Variants in MCTP1 observed in about 807,000 individuals in gnomAD.
The protein encoded by MCTP1 is multiple C2 and transmembrane domain containing 1.
Under a neutral mutation model 120.6 loss-of-function variants are expected in MCTP1, and 69 were observed. That is an observed-to-expected ratio of 0.57 (90% CI 0.47 to 0.70). MCTP1 has a LOEUF of 0.70. Among genes scored for constraint, MCTP1 ranks in the 30% least tolerant of loss-of-function variants. The pLI is 0.00. For synonymous variants in MCTP1, 529 were observed against 493.1 expected (o/e 1.07, Z -0.96); for missense variants, 1,203 against 1,248.8 (o/e 0.96, Z 0.55).
Position 94,912,947 on chromosome 5 carries a change from G to T in MCTP1, c.1380C>A (p.Asp460Glu), listed in dbSNP as rs1413610000. ...QFQTQSLRLSDLHRKSHLWRG... is the reference protein window; with the variant it reads ...QFQTQSLRLSELHRKSHLWRG... ...TCCAAAGATGCGATTTTCTGTGTAG[G>T]TCTGATAGGCGTAAACTTTGGGTCT... Residue 460 changes from aspartate (D) to glutamate (E), a missense_variant, in exon 9 of 23, where the codon GAC becomes GAA. By Grantham distance (45) the Asp-to-Glu change is conservative. Transcript: ENST00000515393. 1.3e-6 allele frequency: 2 copies of T among 1,598,864 alleles called. No individual in the cohort carries two copies. Among genetic ancestry groups the T allele is most frequent in the Non-Finnish European group, 1.7e-6 (2 of 1,173,892 alleles).
At chr5:94,810,263 T>A (rs1436632828) in intron 17 of MCTP1, among the ~76,000 whole-genome samples, 1 of 152,174 alleles carries the variant, frequency 6.6e-6, no homozygotes, top group Non-Finnish European at 1.5e-5. Flanking sequence ...GAAATGAATG[T>A]TACCACTCCT....
chr5:94,801,051 A>C (rs1171525536), intron 17 of MCTP1, among the ~76,000 whole-genome samples: 1 of 152,100 alleles, frequency 6.6e-6, no homozygotes, highest in Non-Finnish European at 1.5e-5. Flanking sequence ...TTTTTTAGGA[A>C]GTGAATTAAG....
intron 19 of MCTP1, among the ~76,000 whole-genome samples, chr5:94,732,710 T>A (rs985711146): frequency 6.6e-6 from 1 of 151,942 alleles, no homozygotes; most frequent in African/African-American, 2.4e-5. Flanking sequence ...CCCTAGAGAG[T>A]TCTTCTGCTC....
chr5:94,892,083 G>A (rs997490729), intron 11 of MCTP1, among the ~76,000 whole-genome samples: 3 of 152,018 alleles, frequency 2.0e-5, no homozygotes, highest in Admixed American at 6.6e-5. Flanking sequence ...GCTCTATTAC[G>A]GGAGAGGCAA....
intron 1 of MCTP1, among the ~76,000 whole-genome samples, chr5:95,059,246 T>A (rs561722636): frequency 6.6e-6 from 1 of 151,752 alleles, no homozygotes; most frequent in Non-Finnish European, 1.5e-5. Context: ...CAGAAAGTAA[T>A]CATGTCCTTT....
At chr5:94,913,632 T>C (rs1037930351) in intron 8 of MCTP1, among the ~76,000 whole-genome samples, 1 of 152,234 alleles carries the variant, frequency 6.6e-6, no homozygotes, top group African/African-American at 2.4e-5. Context: ...ATGTGATTTA[T>C]ATTGGCAAGT....
intron 1 of MCTP1, among the ~76,000 whole-genome samples, chr5:95,151,723 G>T (rs1760913063): frequency 6.6e-6 from 1 of 152,170 alleles, no homozygotes; most frequent in African/African-American, 2.4e-5. Flanking sequence ...AAGATTAGGA[G>T]ATCCTACCAC....
chr5:95,193,226 C>A (rs1180237703), intron 1 of MCTP1, among the ~76,000 whole-genome samples: 2 of 152,112 alleles, frequency 1.3e-5, no homozygotes, highest in Non-Finnish European at 2.9e-5. Context: ...CTCTCATATA[C>A]TTTACATCTA....
intron 2 of MCTP1, among the ~76,000 whole-genome samples, chr5:95,015,122 T>C (rs1836842049): frequency 6.6e-6 from 1 of 152,164 alleles, no homozygotes; most frequent in Non-Finnish European, 1.5e-5. Context: ...GACTACAGTA[T>C]GGTATATATT....
At chr5:94,831,779 C>T (rs551256006) in intron 17 of MCTP1, among the ~76,000 whole-genome samples, 5 of 152,268 alleles carry the variant, frequency 3.3e-5, no homozygotes, top group African/African-American at 9.6e-5. Flanking sequence ...TATGGGAACA[C>T]AATATATACA....
chr5:95,242,525 T>G (rs972900016), intron 1 of MCTP1, among the ~76,000 whole-genome samples: 7 of 152,138 alleles, frequency 4.6e-5, no homozygotes, highest in African/African-American at 1.7e-4. Flanking sequence ...CATAAACAAA[T>G]TGAAGTATAT....
intron 2 of MCTP1, among the ~76,000 whole-genome samples, chr5:95,011,638 T>C (rs1230486492): frequency 6.6e-6 from 1 of 152,098 alleles, no homozygotes; most frequent in Non-Finnish European, 1.5e-5. Context: ...AGCCAGGACA[T>C]GAAGAAGATG....
intron 12 of MCTP1, among the ~76,000 whole-genome samples, chr5:94,876,653 T>C (rs1019357686): frequency 6.6e-6 from 1 of 152,096 alleles, no homozygotes; most frequent in Non-Finnish European, 1.5e-5. Context: ...CCCCATTATT[T>C]TGGCTAAAAA....
At chr5:95,256,312 G>A (rs942264623) in intron 1 of MCTP1, among the ~76,000 whole-genome samples, 25 of 152,190 alleles carry the variant, frequency 1.6e-4, no homozygotes, top group Non-Finnish European at 2.6e-4. Flanking sequence ...ACCTGGAAGC[G>A]GGGCATGGCC....
intron 6 of MCTP1, among the ~76,000 whole-genome samples, chr5:94,928,553 C>A (rs1280622440): frequency 6.6e-6 from 1 of 152,156 alleles, no homozygotes; most frequent in Non-Finnish European, 1.5e-5. Context: ...AAGGAGACAT[C>A]AGCCCCTTTC....
intron 1 of MCTP1, among the ~76,000 whole-genome samples, chr5:95,174,042 C>T (rs949370671): frequency 6.6e-6 from 1 of 152,050 alleles, no homozygotes; most frequent in Non-Finnish European, 1.5e-5. Flanking sequence ...ATTAAAGGGT[C>T]AATCAAGAAG....
At chr5:95,133,279 T>C (rs1759185342) in intron 1 of MCTP1, among the ~76,000 whole-genome samples, 1 of 152,218 alleles carries the variant, frequency 6.6e-6, no homozygotes, top group African/African-American at 2.4e-5. Context: ...ATGATACATA[T>C]ACATTATGTT....
chr5:95,011,726 A>G (rs1189610256), intron 2 of MCTP1, among the ~76,000 whole-genome samples: 2 of 152,232 alleles, frequency 1.3e-5, no homozygotes, highest in African/African-American at 4.8e-5. Flanking sequence ...GTGGAACTGT[A>G]AGTTAATTAA....
chr5:94,858,537 AT>A, intron 17 of MCTP1, among the ~76,000 whole-genome samples: 1 of 151,850 alleles, frequency 6.6e-6, no homozygotes, highest in South Asian at 2.1e-4. Flanking sequence ...CACTCTTGGA[AT>A]TCTACAGGAC....
Sources: allele counts gnomAD v4.1 joint callset (sites outside exome capture counted in the v4.1 genomes callset), GRCh38; gene constraint gnomAD v4.1.1; transcripts MANE v1.5; gene names NCBI Gene and HGNC (gene_info 2026-07-23, HGNC 2026-07-21).